AUTS2: variants seen among roughly 807,000 people sequenced by gnomAD.
The protein encoded by AUTS2 is autism susceptibility gene 2 protein.
Under a neutral mutation model 112.4 loss-of-function variants are expected in AUTS2, and 17 were observed. That is an observed-to-expected ratio of 0.15 (90% CI 0.10 to 0.23). The LOEUF (loss-of-function observed/expected upper bound fraction) is 0.23. Among genes scored for constraint, AUTS2 ranks in the 10% least tolerant of loss-of-function variants. The pLI is 1.00. For synonymous variants in AUTS2, 751 were observed against 702.7 expected (o/e 1.07, Z -1.09); for missense variants, 1,510 against 1,701.6 (o/e 0.89, Z 1.98).
chr7:70,356,466 G>T (rs1225237177), intron 4 of AUTS2, among the ~76,000 whole-genome samples: 1 of 152,198 alleles, frequency 6.6e-6, no homozygotes, highest in Non-Finnish European at 1.5e-5. Context: ...ATCATTTGAG[G>T]AGAAGGATAA....
chr7:70,158,101 C>A (rs1033208712), intron 4 of AUTS2, among the ~76,000 whole-genome samples: 4 of 152,046 alleles, frequency 2.6e-5, no homozygotes, highest in African/African-American at 9.7e-5. Flanking sequence ...AGTGTGGGGC[C>A]TGGTTATTTG....
chr7:69,916,545 A>G (rs1472982466), intron 2 of AUTS2, among the ~76,000 whole-genome samples: 1 of 152,118 alleles, frequency 6.6e-6, no homozygotes, highest in Non-Finnish European at 1.5e-5. Context: ...AACATTTCAA[A>G]CTCAGCATAT....
At chr7:69,899,237 A>G in intron 1 of AUTS2, 49 bp from the exon 2 acceptor site, 1 of 1,423,658 alleles carries the variant, frequency 7.0e-7, no homozygotes, top group Non-Finnish European at 9.9e-7. Context: ...GTGTGACCCT[A>G]GATACCTTTG....
At chr7:70,531,459 C>G (rs1490928782) in intron 5 of AUTS2, among the ~76,000 whole-genome samples, 1 of 152,152 alleles carries the variant, frequency 6.6e-6, no homozygotes, top group Non-Finnish European at 1.5e-5. Context: ...CATGGTTCTG[C>G]AGGCTTTGCA....
intron 4 of AUTS2, among the ~76,000 whole-genome samples, chr7:70,243,834 T>A (rs1812757735): frequency 6.6e-6 from 1 of 152,110 alleles, no homozygotes; most frequent in Non-Finnish European, 1.5e-5. Context: ...AGCTTATTGA[T>A]GTGCTTTGCT....
intron 5 of AUTS2, among the ~76,000 whole-genome samples, chr7:70,599,894 G>A (rs1395195900): frequency 1.3e-5 from 2 of 152,202 alleles, no homozygotes; most frequent in Admixed American, 6.5e-5. Context: ...AGGGATCTGG[G>A]TAGCTCATCA....
At chr7:69,888,608 G>A (rs1488017987) in intron 1 of AUTS2, among the ~76,000 whole-genome samples, 3 of 143,534 alleles carry the variant, frequency 2.1e-5, no homozygotes, top group Non-Finnish European at 4.5e-5. Context: ...TTTGGAGACA[G>A]TCTCACTCTG....
At chr7:70,722,435 A>G (rs558786276) in intron 6 of AUTS2, among the ~76,000 whole-genome samples, 1 of 152,326 alleles carries the variant, frequency 6.6e-6, no homozygotes, top group Admixed American at 6.5e-5. Flanking sequence ...GCTATAAATA[A>G]TTATAGCTGT....
chr7:70,457,823 A>G (rs969418869), intron 5 of AUTS2, among the ~76,000 whole-genome samples: 4 of 152,330 alleles, frequency 2.6e-5, no homozygotes, highest in Admixed American at 6.5e-5. Flanking sequence ...TCTGATGATT[A>G]AAAGGCCCTT....
At chr7:69,621,524 T>C (rs1793663100) in intron 1 of AUTS2, among the ~76,000 whole-genome samples, 1 of 152,232 alleles carries the variant, frequency 6.6e-6, no homozygotes, top group Non-Finnish European at 1.5e-5. Context: ...AGTGAATCTT[T>C]GGTAGAACAG....
At chr7:69,993,442 T>C (rs748386352) in intron 2 of AUTS2, among the ~76,000 whole-genome samples, 29 of 152,032 alleles carry the variant, frequency 1.9e-4, no homozygotes, top group Non-Finnish European at 3.5e-4. Flanking sequence ...GCAAAAACAA[T>C]AATGGGTTTT....
chr7:70,714,309 G>A (rs2129550358), intron 6 of AUTS2, among the ~76,000 whole-genome samples: 1 of 152,262 alleles, frequency 6.6e-6, no homozygotes, highest in Non-Finnish European at 1.5e-5. Flanking sequence ...GTGATAGGCT[G>A]GATAGGGCGA....
At chr7:70,783,491 C>T (rs375178423) in intron 15 of AUTS2, 8 of 152,174 alleles carry the variant, frequency 5.3e-5, no homozygotes, top group Admixed American at 2.6e-4. Flanking sequence ...ACAACCCCTA[C>T]GTTTAATCCA....
intron 5 of AUTS2, among the ~76,000 whole-genome samples, chr7:70,577,452 C>T (rs915077921): frequency 2.6e-5 from 4 of 152,226 alleles, no homozygotes; most frequent in Non-Finnish European, 5.9e-5. Context: ...CCTTTTGGTC[C>T]TTTAAGGTAC....
intron 5 of AUTS2, among the ~76,000 whole-genome samples, chr7:70,683,019 T>G (rs1365129867): frequency 6.6e-6 from 1 of 152,252 alleles, no homozygotes; most frequent in Non-Finnish European, 1.5e-5. Flanking sequence ...CCTCATTCTA[T>G]TCATCAAAAC....
chr7:69,636,594 T>A (rs1406451077), intron 1 of AUTS2, among the ~76,000 whole-genome samples: 1 of 150,596 alleles, frequency 6.6e-6, no homozygotes. Context: ...CAACCTAGTA[T>A]TTTTCTTTCT....
intron 1 of AUTS2, among the ~76,000 whole-genome samples, chr7:69,891,797 TTTTTTTTTTTTTTTG>T (rs1295343670): frequency 3.6e-5 from 4 of 112,516 alleles, no homozygotes; most frequent in African/African-American, 1.4e-4. Context: ...TTTTTTTTTT[TTTTTTTTTTTTTTTG>T]AGATGGAGTA....
intron 4 of AUTS2, among the ~76,000 whole-genome samples, chr7:70,173,758 G>A (rs897727058): frequency 6.6e-6 from 1 of 152,072 alleles, no homozygotes; most frequent in Non-Finnish European, 1.5e-5. Flanking sequence ...TATAACTGTT[G>A]TGGTGATCTG....
chr7:70,158,498 C>T (rs1024367025), intron 4 of AUTS2, among the ~76,000 whole-genome samples: 1 of 152,284 alleles, frequency 6.6e-6, no homozygotes, highest in Middle Eastern at 3.4e-3. Flanking sequence ...CTTTATTCAA[C>T]CAAGTGAGTG....
Sources: allele counts gnomAD v4.1 joint callset (sites outside exome capture counted in the v4.1 genomes callset), GRCh38; gene constraint gnomAD v4.1.1; transcripts MANE v1.5; gene names NCBI Gene and HGNC (gene_info 2026-07-23, HGNC 2026-07-21).